PIEZO2: variants seen among roughly 807,000 people sequenced by gnomAD.
The protein encoded by PIEZO2 is piezo-type mechanosensitive ion channel component 2.
In PIEZO2, 172 loss-of-function variants were observed where a neutral mutation model predicts 337.3. The ratio of observed to expected loss-of-function variants is 0.51; its 90% CI spans 0.45 to 0.58. The LOEUF (loss-of-function observed/expected upper bound fraction) is 0.58. PIEZO2 is among the 20% of genes least tolerant of loss of function. The pLI, the probability that PIEZO2 is intolerant of heterozygous loss-of-function variation, is 0.00. For missense variants in PIEZO2, 3,028 were observed against 3,391.3 expected (o/e 0.89, Z 2.66); for synonymous variants, 1,251 against 1,228.5 (o/e 1.02, Z -0.38).
intron 2 of PIEZO2, among the ~76,000 whole-genome samples, chr18:11,055,825 GT>G (rs755699487): frequency 2.5e-4 from 38 of 152,320 alleles, no homozygotes; most frequent in Admixed American, 8.5e-4. Flanking sequence ...ATCTGGCCGA[GT>G]GTGTGCACCC....
chr18:11,138,613 A>C (rs561713272), intron 1 of PIEZO2, among the ~76,000 whole-genome samples: 1 of 152,348 alleles, frequency 6.6e-6, no homozygotes, highest in East Asian at 1.9e-4. Flanking sequence ...GTTTTGAAAT[A>C]GCTGCTATCT....
intron 7 of PIEZO2, among the ~76,000 whole-genome samples, chr18:10,829,615 A>G (rs1157229799): frequency 6.6e-6 from 1 of 152,164 alleles, no homozygotes; most frequent in Non-Finnish European, 1.5e-5. Flanking sequence ...CAGAATATAA[A>G]AATCAACATA....
chr18:10,786,254 G>C (rs2039220187), intron 16 of PIEZO2, among the ~76,000 whole-genome samples: 1 of 152,210 alleles, frequency 6.6e-6, no homozygotes, highest in Admixed American at 6.5e-5. Flanking sequence ...ACACTAAATA[G>C]TTTTGTTTGT....
Position 10,828,448 on chromosome 18 carries a change from G to C in PIEZO2, c.918-21174C>G, listed in dbSNP as rs2040746022. ...TTGGGGATTTTGGTGCATTTTAACA[G>C]CTTCTTCAATTAAGGGATTCATGTT... On this transcript the variant is annotated intron_variant, in intron 7 of 55. Transcript: ENST00000674853. The surrounding 1 kb of genome is among the most constrained non-coding windows in gnomAD (Gnocchi z 4.1). 6.6e-6 allele frequency among the ~76,000 whole-genome samples: 1 copy of C among 152,074 alleles called. No individual in the cohort carries two copies. Among genetic ancestry groups the C allele is most frequent in the African/African-American group, 2.4e-5 (1 of 41,420 alleles).
In PIEZO2 at chr18:10,759,549, A is replaced by T. The variant is rs2038031954; in HGVS notation, c.3690T>A (p.Asn1230Lys). The T allele has an allele frequency of 6.5e-7, 1 of 1,537,254 alleles. No individual in the cohort carries two copies. Among genetic ancestry groups the T allele is most frequent in the Admixed American group, 2.0e-5 (1 of 50,972 alleles). ...AGTACAGCCACTTTATGATGTTGTC[A>T]TTGAAGCTGGCACCCTTGAATCTCC... ...YPWRFKGASFNDNIIKWLYFP... is the reference protein window; with the variant it reads ...YPWRFKGASFKDNIIKWLYFP... Residue 1230 changes from asparagine (N) to lysine (K), a missense_variant, in exon 26 of 56, where the codon AAT (asparagine) becomes AAA (lysine). By Grantham distance (94) the Asn-to-Lys change is moderately conservative. Coordinates refer to ENST00000674853, the MANE Select transcript of PIEZO2 (RefSeq NM_001378183.1). The surrounding 1 kb of genome is among the most constrained non-coding windows in gnomAD (Gnocchi z 5.5).
At chr18:11,142,544 G>A (rs1048073184) in intron 1 of PIEZO2, among the ~76,000 whole-genome samples, 1 of 152,160 alleles carries the variant, frequency 6.6e-6, no homozygotes, top group Admixed American at 6.5e-5. Flanking sequence ...ACTCTGGGAG[G>A]CCAAGGCAGA....
At chr18:10,879,664 G>A (rs753699587) in intron 4 of PIEZO2, among the ~76,000 whole-genome samples, 4 of 152,004 alleles carry the variant, frequency 2.6e-5, no homozygotes, top group Non-Finnish European at 5.9e-5. Flanking sequence ...CAAAGTGCTG[G>A]GATTACAGGC....
Position 10,675,881 on chromosome 18 carries a change from C to T in PIEZO2, c.8082-593G>A, listed in dbSNP as rs114781844. Among the ~76,000 whole-genome samples, 495 of 152,244 alleles carry T rather than the reference C, an allele frequency of 3.3e-3. 5 individuals are homozygous for T. Among genetic ancestry groups the T allele is most frequent in the African/African-American group, 0.011 (473 of 41,542 alleles). ...TTTTATAAAGGGCAGTTCCCCTGCACGTGCTCCCTTGCCCACCGCCATGTA... is the reference window on the plus strand; with the variant it reads ...TTTTATAAAGGGCAGTTCCCCTGCATGTGCTCCCTTGCCCACCGCCATGTA... On this transcript the variant is annotated intron_variant, in intron 53 of 55. Coordinates refer to ENST00000674853, the MANE Select transcript of PIEZO2 (RefSeq NM_001378183.1).
At chr18:11,136,019 C>G (rs1487783421) in intron 1 of PIEZO2, among the ~76,000 whole-genome samples, 1 of 152,218 alleles carries the variant, frequency 6.6e-6, no homozygotes, top group African/African-American at 2.4e-5. Flanking sequence ...TACATCCTTA[C>G]TCTAAAGATA....
intron 4 of PIEZO2, among the ~76,000 whole-genome samples, chr18:10,889,280 G>A (rs1268803536): frequency 1.3e-5 from 2 of 152,172 alleles, no homozygotes; most frequent in Non-Finnish European, 2.9e-5. Context: ...AAATGTTCAA[G>A]ATAAGGAAAA....
rs184345296 is a variant in PIEZO2 at position 10,988,692 on chromosome 18, A to T, written c.161-9032T>A. On this transcript the variant is annotated intron_variant, in intron 2 of 55. Coordinates refer to ENST00000674853, the MANE Select transcript of PIEZO2 (RefSeq NM_001378183.1). This position sits in a 1 kb window ranked among gnomAD's most constrained non-coding sequence, Gnocchi z 4.8. Reference sequence around the variant, plus strand: ...ATGGAAACATCCTAAATGTCCACTGAAGGAATATTGGATAAGGAAATTGTG... The same window carrying T: ...ATGGAAACATCCTAAATGTCCACTGTAGGAATATTGGATAAGGAAATTGTG... Among the ~76,000 whole-genome samples, 1 of 152,304 alleles carries T rather than the reference A, an allele frequency of 6.6e-6. No individual in the cohort carries two copies. Among genetic ancestry groups the T allele is most frequent in the Admixed American group, 6.5e-5 (1 of 15,288 alleles).
Position 10,767,950 on chromosome 18 carries a change from C to T in PIEZO2, c.2946+2198G>A, listed in dbSNP as rs2038435187. Among the ~76,000 whole-genome samples the T allele has an allele frequency of 6.6e-6, 1 of 152,224 alleles. No homozygotes were observed. Among genetic ancestry groups the T allele is most frequent in the African/African-American group, 2.4e-5 (1 of 41,460 alleles). ...AGAGCGTGAGGCCATCATGGGATGG[C>T]ACAGGCCAAGTCACAACATCCCCAT... On this transcript the variant is annotated intron_variant, in intron 21 of 55. Transcript: ENST00000674853. The surrounding 1 kb of genome is among the most constrained non-coding windows in gnomAD (Gnocchi z 4.2).
At position 10,727,962 on chromosome 18, in the gene PIEZO2, AAAAAAG is replaced by A. The variant is rs1453250077; in HGVS notation, c.5029+3439_5029+3444del. 1.3e-5 allele frequency: 2 copies of A among 151,968 alleles called. No homozygotes were observed. Among genetic ancestry groups the A allele is most frequent in the African/African-American group, 4.9e-5 (2 of 41,194 alleles). 9.4% of individuals were successfully genotyped at this position (151,968 alleles called of 1,614,324 possible). On this transcript the variant is annotated intron_variant, in intron 36 of 55. Transcript: ENST00000674853. The surrounding 1 kb of genome is among the most constrained non-coding windows in gnomAD (Gnocchi z 6.3). Reference sequence around the variant, plus strand: ...CAATTAAAACAGTAATAACAAAAAAAAAAAAGAAAAAAGAAAAAAAGGGATAAGAAG... The same window carrying A: ...CAATTAAAACAGTAATAACAAAAAAAAAAAAAGAAAAAAAGGGATAAGAAG...
intron 27 of PIEZO2, among the ~76,000 whole-genome samples, chr18:10,754,123 C>A (rs1489596730): frequency 6.6e-6 from 1 of 152,238 alleles, no homozygotes; most frequent in Non-Finnish European, 1.5e-5. Context: ...CCAGCTCTGG[C>A]CTTCACACCT....
At chr18:11,075,763 G>C (rs2038511475) in intron 1 of PIEZO2, among the ~76,000 whole-genome samples, 1 of 151,348 alleles carries the variant, frequency 6.6e-6, no homozygotes, top group African/African-American at 2.4e-5. Context: ...TGTGTGACAG[G>C]AAAGGCGAAT....
In PIEZO2 at chr18:11,040,221, A is replaced by G. The variant is rs1568320435; in HGVS notation, c.160+25906T>C. ...ATTCTCTTCCCTTTTAGAACAATAC[A>G]TTTTAGCTATTTCTTCTATTATTAT... On this transcript the variant is annotated intron_variant, in intron 2 of 55. Coordinates refer to ENST00000674853, the MANE Select transcript of PIEZO2 (RefSeq NM_001378183.1). Among the ~76,000 whole-genome samples the G allele has an allele frequency of 4.8e-5, 7 of 147,310 alleles. No individual in the cohort carries two copies. The South Asian group carries it at 1.3e-3, about 27-fold the overall frequency.
chr18:10,779,642 G>C (rs988898163), intron 18 of PIEZO2, among the ~76,000 whole-genome samples: 1 of 152,218 alleles, frequency 6.6e-6, no homozygotes. Context: ...GATCTTTCAA[G>C]TAGAGATATA....
chr18:11,053,633 C>T (rs2037609300), intron 2 of PIEZO2, among the ~76,000 whole-genome samples: 1 of 152,190 alleles, frequency 6.6e-6, no homozygotes, highest in Non-Finnish European at 1.5e-5. Flanking sequence ...CATATTGCAT[C>T]TGTTTCAATC....
intron 4 of PIEZO2, among the ~76,000 whole-genome samples, chr18:10,873,555 A>G (rs1410245921): frequency 1.2e-4 from 18 of 152,176 alleles, no homozygotes; most frequent in Admixed American, 1.2e-3. Flanking sequence ...TTCATTTAAC[A>G]TGTCATTAAC....
Sources: gnomAD v4.1 joint callset for allele counts (sites outside exome capture counted in the v4.1 genomes callset) on GRCh38, gnomAD v4.1.1 for gene constraint, Gnocchi (gnomAD v3.1) non-coding constraint, MANE v1.5 for transcripts, NCBI Gene and HGNC (gene_info 2026-07-23, HGNC 2026-07-21) for gene names.